Variants in SLFN11 observed in about 807,000 individuals in gnomAD.
The protein encoded by SLFN11 is schlafen family member 11.
Under a neutral mutation model 53.4 loss-of-function variants are expected in SLFN11, and 43 were observed. The ratio of observed to expected loss-of-function variants is 0.80; its 90% CI spans 0.63 to 1.04. The LOEUF (loss-of-function observed/expected upper bound fraction) is 1.04. SLFN11 is among the 50% of genes least tolerant of loss of function. The pLI, the probability that SLFN11 is intolerant of heterozygous loss-of-function variation, is 0.00. For missense variants in SLFN11, 990 were observed against 1,079.1 expected, an observed-to-expected ratio of 0.92 and a Z score of 1.16; for synonymous variants, 389 against 394.7, an observed-to-expected ratio of 0.99 and a Z score of 0.17.
intron 1 of SLFN11, among the ~76,000 whole-genome samples, chr17:35,371,467 A>T (rs938352782): frequency 6.6e-6 from 1 of 152,140 alleles, no homozygotes; most frequent in African/African-American, 2.4e-5. Context: ...AAAAATGGAC[A>T]AATGGGATCA....
rs766848759 is a variant in SLFN11 at position 35,353,713 on chromosome 17, G to A, written c.1545C>T (p.Leu515=). The A allele has an allele frequency of 5.0e-4, 713 of 1,427,892 alleles. 3 individuals carry two copies. The highest frequency in any genetic ancestry group is 4.2e-4 in the Non-Finnish European group (443 of 1,065,220). The allele number at this position is 1,427,892 out of a possible 1,614,324, so 88.5% of individuals were successfully genotyped here. The change falls in exon 6 of 7, where the codon CTC becomes CTT. Residue 515 remains leucine (L), a synonymous_variant. Coordinates refer to ENST00000685675, the MANE Select transcript of SLFN11 (RefSeq NM_001376007.1). ...TGKVCVRAKV[L]CLSPESSAEA... ...CTGCGCTGCTCTCAGGACTCAGGCAGAGGACCTTGGCCCTGACACACACCT... is the reference window on the plus strand; with the variant it reads ...CTGCGCTGCTCTCAGGACTCAGGCAAAGGACCTTGGCCCTGACACACACCT...
At chr17:35,360,927 G>A (rs1292521661) in intron 4 of SLFN11, among the ~76,000 whole-genome samples, 6 of 152,094 alleles carry the variant, frequency 3.9e-5, no homozygotes, top group Admixed American at 2.6e-4. Context: ...CTATGATCAC[G>A]CCACTGCACT....
chr17:35,354,884 T>C (rs952363622), intron 5 of SLFN11, among the ~76,000 whole-genome samples: 1 of 152,088 alleles, frequency 6.6e-6, no homozygotes, highest in Non-Finnish European at 1.5e-5. Flanking sequence ...ACCCAGATTT[T>C]ATTGGTAATT....
chr17:35,365,859 T>C (rs897647740), intron 3 of SLFN11, among the ~76,000 whole-genome samples: 25 of 151,994 alleles, frequency 1.6e-4, no homozygotes, highest in African/African-American at 5.8e-4. Flanking sequence ...TTATGTTTAG[T>C]AAAAGGAGAA....
In SLFN11 at chr17:35,358,904, G is replaced by A. The variant is rs146035392; in HGVS notation, c.1198+1339C>T. Among the ~76,000 whole-genome samples the A allele has an allele frequency of 4.6e-3, 696 of 152,010 alleles. 13 individuals carry two copies. The highest frequency in any genetic ancestry group is 0.032 in the Admixed American group (483 of 15,266). On this transcript the variant is annotated intron_variant, in intron 5 of 6. Transcript: ENST00000685675. ...ACAGTAGCTCATGCCTATAGTCTTA[G>A]CTTCTCAAGAAACTGAGGTGAGAGG...
In SLFN11 at chr17:35,358,868, T is replaced by C. The variant is rs745623989; in HGVS notation, c.1198+1375A>G. ...TGTTATTCACACTTAAAAAATAGCT[T>C]AGGGCTGGGCACAGTAGCTCATGCC... On this transcript the variant is annotated intron_variant, in intron 5 of 6. Transcript: ENST00000685675. Among the ~76,000 whole-genome samples the C allele has an allele frequency of 7.9e-5, 12 of 152,114 alleles. No individual in the cohort carries two copies. In the Middle Eastern group the frequency reaches 0.027, roughly 345 times the overall value.
rs1333046462 is a variant in SLFN11 at position 35,351,702 on chromosome 17, A to G, written c.*654T>C. The G allele has an allele frequency of 6.6e-6, 1 of 152,232 alleles. No individual in the cohort carries two copies. The highest frequency in any genetic ancestry group is 2.4e-5 in the African/African-American group (1 of 41,444). The allele number at this position is 152,232 out of a possible 1,614,324, so 9.4% of individuals were successfully genotyped here. A position where few individuals can be genotyped will look rare whatever the true frequency, so the allele number is the denominator to read the frequency against. ...ATTTCTCCTTAAAGTGACCATTAATATTCACTATCACAATTAAGGCTTGGT... is the reference window on the plus strand; with the variant it reads ...ATTTCTCCTTAAAGTGACCATTAATGTTCACTATCACAATTAAGGCTTGGT... On this transcript the variant is annotated 3_prime_UTR_variant, in exon 7 of 7. Transcript: ENST00000685675.
intron 5 of SLFN11, among the ~76,000 whole-genome samples, chr17:35,354,872 T>A (rs1316486598): frequency 6.6e-6 from 1 of 152,048 alleles, no homozygotes; most frequent in African/African-American, 2.4e-5. Context: ...TCAAATGAAA[T>A]TACCCAGATT....
chr17:35,358,049 A>G (rs559669731), intron 5 of SLFN11, among the ~76,000 whole-genome samples: 2 of 150,336 alleles, frequency 1.3e-5, no homozygotes, highest in East Asian at 3.9e-4. Context: ...TGATATATAA[A>G]ATAACTTCAG....
In SLFN11 at chr17:35,360,241, A is replaced by G. The variant is rs993797515; in HGVS notation, c.1198+2T>C. The G allele has an allele frequency of 2.5e-6, 4 of 1,609,996 alleles. No individual in the cohort carries two copies. Among genetic ancestry groups the G allele is most frequent in the Non-Finnish European group, 3.4e-6 (4 of 1,178,742 alleles). The stretch of plus-strand genomic sequence containing the variant: ...GGTGTTGAGAAGACAAACCATAATT[A>G]CCTGAAAATAAAAGTTGCTGGAGTT... On this transcript the variant is annotated splice_donor_variant, in intron 5 of 6. Coordinates refer to ENST00000685675, the MANE Select transcript of SLFN11 (RefSeq NM_001376007.1). LOFTEE classifies it high-confidence loss of function.
At chr17:35,355,538 T>G (rs1403697188) in intron 5 of SLFN11, among the ~76,000 whole-genome samples, 3 of 152,158 alleles carry the variant, frequency 2.0e-5, no homozygotes, top group African/African-American at 4.8e-5. Context: ...CACAGACTAC[T>G]CCTGCCTGAT....
intron 5 of SLFN11, among the ~76,000 whole-genome samples, chr17:35,355,507 T>C (rs1907355707): frequency 6.6e-6 from 1 of 152,054 alleles, no homozygotes; most frequent in Non-Finnish European, 1.5e-5. Flanking sequence ...TCCTCTACTG[T>C]TTTTGCCCTG....
Position 35,351,394 on chromosome 17 carries a change from A to G in SLFN11, c.*962T>C, listed in dbSNP as rs980543179. The G allele has an allele frequency of 6.6e-6, 1 of 152,214 alleles. No homozygotes were observed. The highest frequency in any genetic ancestry group is 2.1e-4 in the South Asian group (1 of 4,822). The allele number at this position is 152,214 out of a possible 1,614,324, so 9.4% of individuals were successfully genotyped here. On this transcript the variant is annotated 3_prime_UTR_variant, in exon 7 of 7. Transcript: ENST00000685675. Reference sequence around the variant, plus strand: ...TTTGGGGGTGAAGGGTGGGACACAAACATTCAGTCCATAACAATGGCCCAC... The same window carrying G: ...TTTGGGGGTGAAGGGTGGGACACAAGCATTCAGTCCATAACAATGGCCCAC...
At chr17:35,373,318 C>G (rs1001338258) in intron 1 of SLFN11, among the ~76,000 whole-genome samples, 156 bp downstream of exon 1, 108 of 148,650 alleles carry the variant, frequency 7.3e-4, no homozygotes, top group Middle Eastern at 3.5e-3. Context: ...TTTAGGGAAC[C>G]TGCTGAGCAA....
intron 4 of SLFN11, among the ~76,000 whole-genome samples, chr17:35,361,074 C>T (rs1908149177): frequency 6.6e-6 from 1 of 152,098 alleles, no homozygotes; most frequent in Admixed American, 6.6e-5. Flanking sequence ...ATAATATCTC[C>T]TTTCCAAGTA....
chr17:35,371,771 T>A (rs1484390094), intron 1 of SLFN11, among the ~76,000 whole-genome samples: 1 of 152,046 alleles, frequency 6.6e-6, no homozygotes, highest in African/African-American at 2.4e-5. Context: ...TACAATGAGA[T>A]ACCATCTCAT....
chr17:35,365,279 T>G (rs557933241), intron 3 of SLFN11, among the ~76,000 whole-genome samples: 25 of 152,182 alleles, frequency 1.6e-4, no homozygotes, highest in Admixed American at 5.2e-4. Context: ...GCACTTGGTA[T>G]AAAAACAGGA....
chr17:35,363,615 T>C lies in SLFN11; in HGVS notation c.193A>G (p.Lys65Glu), dbSNP rs1327171621. Reference sequence around the variant, plus strand: ...ATCTCCACGGGATGCTCAACCTTCTTGGCCATTCGAATCACTCCTCCTCCT... The same window carrying C: ...ATCTCCACGGGATGCTCAACCTTCTCGGCCATTCGAATCACTCCTCCTCCT... ...NSGGGVIRMA[K>E]KVEHPVEMGL... The change falls in exon 4 of 7, where the codon AAG becomes GAG. Residue 65 changes from lysine (K) to glutamate (E), a missense_variant. Physicochemically the swap from Lys to Glu is moderately conservative, Grantham distance 56. Coordinates refer to ENST00000685675, the MANE Select transcript of SLFN11 (RefSeq NM_001376007.1). 4 of 1,613,762 alleles carry C rather than the reference T, an allele frequency of 2.5e-6. No homozygotes were observed. Among genetic ancestry groups the C allele is most frequent in the Admixed American group, 1.7e-5 (1 of 59,964 alleles).
chr17:35,367,896 G>A (rs907318991), intron 1 of SLFN11, among the ~76,000 whole-genome samples, 196 bp from the exon 2 acceptor site: 4 of 151,866 alleles, frequency 2.6e-5, no homozygotes, highest in African/African-American at 4.8e-5. Context: ...CATGCCCCAG[G>A]ATCTAGTCCT....
Sources: gnomAD v4.1 joint callset for allele counts (sites outside exome capture counted in the v4.1 genomes callset) on GRCh38, gnomAD v4.1.1 for gene constraint, MANE v1.5 for transcripts, NCBI Gene and HGNC (gene_info 2026-07-23, HGNC 2026-07-21) for gene names.